LACTB: variants seen among roughly 807,000 people sequenced by gnomAD.
LACTB encodes serine beta-lactamase-like protein LACTB, mitochondrial.
A neutral mutation model predicts 50.2 loss-of-function variants in LACTB; 35 were observed. That is an observed-to-expected ratio of 0.70 (90% CI 0.53 to 0.92). The LOEUF is 0.92. Among genes scored for constraint, LACTB ranks in the 40% least tolerant of loss-of-function variants. The pLI is 0.00. For missense variants in LACTB, 664 were observed against 691.8 expected (o/e 0.96, Z 0.45); for synonymous variants, 252 against 268.2 (o/e 0.94, Z 0.59).
At chr15:63,132,826 AAT>A (rs1566992324) in intron 5 of LACTB, among the ~76,000 whole-genome samples, 1 of 152,148 alleles carries the variant, frequency 6.6e-6, no homozygotes, top group Non-Finnish European at 1.5e-5. Flanking sequence ...ATTTAAAAAA[AAT>A]TTTTTTTTGA....
chr15:63,140,707 C>T (rs1284620611), intron 5 of LACTB, among the ~76,000 whole-genome samples: 1 of 152,068 alleles, frequency 6.6e-6, no homozygotes, highest in African/African-American at 2.4e-5. Flanking sequence ...ACTCAAACTC[C>T]TGGGCTCAAG....
At chr15:63,130,515 G>GA (rs34509023) in intron 5 of LACTB, 26,732 of 90,638 alleles carry the variant, frequency 0.29, 3,352 homozygotes, top group East Asian at 0.62. Context: ...GTCAAAAAAG[G>GA]AAAAAAAAAA....
At chr15:63,125,353 A>T (rs2037037872) in intron 2 of LACTB, among the ~76,000 whole-genome samples, 5 of 151,772 alleles carry the variant, frequency 3.3e-5, no homozygotes, top group African/African-American at 9.7e-5. Context: ...TTTTAAGTAG[A>T]GACGGGGATT....
In LACTB at chr15:63,140,802, A is replaced by C. The variant is rs117114276; in HGVS notation, c.1119-478A>C. Among the ~76,000 whole-genome samples, 375 of 152,304 alleles carry C rather than the reference A, an allele frequency of 2.5e-3. 1 individual carries two copies. Among genetic ancestry groups the C allele is most frequent in the Non-Finnish European group, 4.2e-3 (286 of 68,018 alleles). On this transcript the variant is annotated intron_variant, in intron 5 of 5. Transcript: ENST00000261893. ...AGCTTATATGGTATTTTTATCCAAG[A>C]AATCTAGTCATCTTACAAATAACCT...
rs138106942 is a variant in LACTB, at chr15:63,124,139, G to A, written c.424+1437G>A. 3.2e-3 allele frequency among the ~76,000 whole-genome samples: 482 copies of A among 152,312 alleles called. 3 individuals are homozygous for A. Among genetic ancestry groups the A allele is most frequent in the East Asian group, 0.013 (65 of 5,190 alleles). On this transcript the variant is annotated intron_variant, in intron 2 of 5. Coordinates refer to ENST00000261893, the MANE Select transcript of LACTB (RefSeq NM_032857.5). Reference sequence around the variant, plus strand: ...GCTAGACCAAGGAGTCCTTCTGGTGGCCCTGTCTGGGCGTAACAGAACGCT... The same window carrying A: ...GCTAGACCAAGGAGTCCTTCTGGTGACCCTGTCTGGGCGTAACAGAACGCT...
At chr15:63,134,982 G>T (rs561133527) in intron 5 of LACTB, among the ~76,000 whole-genome samples, 13 of 152,198 alleles carry the variant, frequency 8.5e-5, no homozygotes, top group African/African-American at 2.9e-4. Flanking sequence ...CTTTGGAAGA[G>T]AATTTTGAAT....
chr15:63,131,633 A>C (rs1311644878), intron 5 of LACTB, among the ~76,000 whole-genome samples: 1 of 152,172 alleles, frequency 6.6e-6, no homozygotes, highest in Non-Finnish European at 1.5e-5. Flanking sequence ...TTAAGTACAT[A>C]CATTTTCTTT....
In LACTB at chr15:63,141,788, A is replaced by G; in HGVS notation, c.1627A>G (p.Lys543Glu). The G allele has an allele frequency of 6.2e-7, 1 of 1,613,032 alleles. No homozygotes were observed. The highest frequency in any genetic ancestry group is 8.5e-7 in the Non-Finnish European group (1 of 1,179,192). ...TTTGAAGATTGCCCTTGAATTTGAT[A>G]AAGACAGATCAGACTGATAACCTTA... Reference protein sequence around the residue: ...TALKIALEFDKDRSD With the variant: ...TALKIALEFDEDRSD The change falls in exon 6 of 6, where the codon AAA becomes GAA. Residue 543 changes from lysine to glutamate, a missense_variant. By Grantham distance (56) the Lys-to-Glu change is moderately conservative. Transcript: ENST00000261893.
intron 5 of LACTB, among the ~76,000 whole-genome samples, chr15:63,138,261 A>G (rs2037193718): frequency 6.6e-6 from 1 of 152,100 alleles, no homozygotes; most frequent in Non-Finnish European, 1.5e-5. Context: ...GGATCACACC[A>G]CTGCACTCCA....
intron 5 of LACTB, among the ~76,000 whole-genome samples, chr15:63,137,974 TTC>T (rs1316223508): frequency 1.3e-5 from 2 of 152,232 alleles, no homozygotes; most frequent in East Asian, 3.8e-4. Context: ...GTTTTCAAAC[TTC>T]TTATAACAAT....
intron 2 of LACTB, among the ~76,000 whole-genome samples, chr15:63,126,202 C>T (rs912005931): frequency 1.3e-5 from 2 of 152,134 alleles, no homozygotes; most frequent in Admixed American, 6.5e-5. Context: ...AGTGCAGTGG[C>T]GTTTTCTCAG....
intron 5 of LACTB, among the ~76,000 whole-genome samples, chr15:63,131,913 C>G (rs912346300): frequency 2.0e-5 from 3 of 151,612 alleles, no homozygotes; most frequent in Admixed American, 6.6e-5. Flanking sequence ...CCACTACACT[C>G]TAGTCTGAGT....
rs1399316395 is a variant in LACTB, at chr15:63,141,096, AC to A, written c.1119-183del. Reference sequence around the variant, plus strand: ...ATTCAAAAGGTAATTAGACTATCTTACTTAGTTATCTGTGTGTCATTAGGAC... The same window carrying A: ...ATTCAAAAGGTAATTAGACTATCTTATTAGTTATCTGTGTGTCATTAGGAC... On this transcript the variant is annotated intron_variant, in intron 5 of 5. Transcript: ENST00000261893. 1.3e-5 allele frequency: 13 copies of A among 983,552 alleles called. No individual in the cohort carries two copies. The East Asian group carries it at 4.5e-4, about 34-fold the overall frequency. 60.9% of individuals were successfully genotyped at this position (983,552 alleles called of 1,614,324 possible).
At position 63,141,326 on chromosome 15, in the gene LACTB, G is replaced by A. The variant is rs566925626; in HGVS notation, c.1165G>A (p.Val389Met). 14 of 1,613,906 alleles carry A rather than the reference G, an allele frequency of 8.7e-6. No homozygotes were observed. Among genetic ancestry groups the A allele is most frequent in the Middle Eastern group, 3.3e-4 (2 of 6,058 alleles). The change falls in exon 6 of 6, where the codon GTG (valine) becomes ATG (methionine). Residue 389 changes from valine (V) to methionine (M), a missense_variant. Physicochemically the swap from Val to Met is conservative, Grantham distance 21. Transcript: ENST00000261893. The part of the protein sequence containing the change: ...KKKRLVNTPY[V>M]DNSYKWAGGG... ...GAAACGTCTTGTCAACACACCTTACGTGGATAACTCCTATAAATGGGCTGG... is the reference window on the plus strand; with the variant it reads ...GAAACGTCTTGTCAACACACCTTACATGGATAACTCCTATAAATGGGCTGG...
At position 63,127,395 on chromosome 15, in the gene LACTB, A is replaced by T; in HGVS notation, c.658A>T (p.Ile220Phe). The change falls in exon 4 of 6, where the codon ATT becomes TTT. Residue 220 changes from isoleucine (I) to phenylalanine (F), a missense_variant. Transcript: ENST00000261893. Reference sequence around the variant, plus strand: ...ATTACTGATTTCCCATTTAAGTGGAATTCGTCATTATGAAAAGGACATAAA... The same window carrying T: ...ATTACTGATTTCCCATTTAAGTGGATTTCGTCATTATGAAAAGGACATAAA... ...TRLLISHLSG[I>F]RHYEKDIKKV... The T allele has an allele frequency of 6.3e-7, 1 of 1,583,944 alleles. No homozygotes were observed. Among genetic ancestry groups the T allele is most frequent in the Non-Finnish European group, 8.5e-7 (1 of 1,170,628 alleles).
At chr15:63,136,563 T>C (rs1444688574) in intron 5 of LACTB, among the ~76,000 whole-genome samples, 1 of 152,192 alleles carries the variant, frequency 6.6e-6, no homozygotes, top group African/African-American at 2.4e-5. Flanking sequence ...AAATGTTTTG[T>C]CTGTTTGCTT....
chr15:63,129,403 T>G (rs1273217949), intron 4 of LACTB, 82 bp from the exon 5 acceptor site: 1 of 1,261,776 alleles, frequency 7.9e-7, no homozygotes, highest in African/African-American at 1.5e-5. Context: ...AGTATGCCAA[T>G]TTTCAGTGGG....
Position 63,122,081 on chromosome 15 carries a change from G to A in LACTB, c.210G>A (p.Ala70=). The stretch of plus-strand genomic sequence containing the variant: ...GCGCGGCCCCGGCGCAGTCCCCCGC[G>A]GCCCCCGACCCTGAGGCGTCGCCTC... ...LRGAAPAQSP[A]APDPEASPLA... is the part of the protein sequence containing the mutation. Residue 70 remains alanine (A), a synonymous_variant, in exon 1 of 6, where the codon GCG becomes GCA. Coordinates refer to ENST00000261893, the MANE Select transcript of LACTB (RefSeq NM_032857.5). The A allele has an allele frequency of 1.4e-6, 2 of 1,451,340 alleles. No homozygotes were observed. Among genetic ancestry groups the A allele is most frequent in the Non-Finnish European group, 9.0e-7 (1 of 1,110,886 alleles). The allele number at this position is 1,451,340 out of a possible 1,614,324, so 89.9% of individuals were successfully genotyped here. A position where few individuals can be genotyped will look rare whatever the true frequency, so the allele number is the denominator to read the frequency against.
At chr15:63,124,439 A>T (rs928364964) in intron 2 of LACTB, among the ~76,000 whole-genome samples, 1 of 152,022 alleles carries the variant, frequency 6.6e-6, no homozygotes, top group South Asian at 2.1e-4. Flanking sequence ...CCCACACACT[A>T]TTCCTTGTCT....
Sources: gnomAD v4.1 joint callset for allele counts (sites outside exome capture counted in the v4.1 genomes callset) on GRCh38, gnomAD v4.1.1 for gene constraint, MANE v1.5 for transcripts, NCBI Gene and HGNC (gene_info 2026-07-23, HGNC 2026-07-21) for gene names.